The following AP4S1 variants were observed in gnomAD, a reference collection of about 807,000 sequenced individuals.
AP4S1 encodes AP-4 complex subunit sigma-1.
Under a neutral mutation model 19.8 loss-of-function variants are expected in AP4S1, and 23 were observed. That is an observed-to-expected ratio of 1.16 (90% CI 0.84 to 1.65). The LOEUF is 1.65. Among genes scored for constraint, AP4S1 ranks in the 40% most tolerant of loss-of-function variants. The pLI, the probability that AP4S1 is intolerant of heterozygous loss-of-function variation, is 0.00. For synonymous variants in AP4S1, 46 were observed against 54.1 expected, an observed-to-expected ratio of 0.85 and a Z score of 0.66; for missense variants, 166 against 172.8, an observed-to-expected ratio of 0.96 and a Z score of 0.22.
Position 31,084,861 on chromosome 14 carries a change from C to T in AP4S1, c.306+4277C>T, listed in dbSNP as rs781066963. On this transcript the variant is annotated intron_variant, in intron 5 of 5. Transcript: ENST00000542754. ...ACAGTTCATCATTCAAAGGAGCTGCCTCCACCACCCCCATCTACTGAATAG... is the reference window on the plus strand; with the variant it reads ...ACAGTTCATCATTCAAAGGAGCTGCTTCCACCACCCCCATCTACTGAATAG... The T allele has an allele frequency of 8.7e-6, 14 of 1,614,090 alleles. No homozygotes were observed. Among genetic ancestry groups the T allele is most frequent in the Admixed American group, 1.7e-5 (1 of 60,006 alleles).
chr14:31,081,537 A>G (rs1488010269), intron 5 of AP4S1, among the ~76,000 whole-genome samples: 1 of 152,190 alleles, frequency 6.6e-6, no homozygotes, highest in South Asian at 2.1e-4. Context: ...AGTGTTTGGG[A>G]GGCAAGTTAA....
chr14:31,027,959 C>G (rs1377090373), intron 1 of AP4S1, among the ~76,000 whole-genome samples: 1 of 152,050 alleles, frequency 6.6e-6, no homozygotes, highest in Admixed American at 6.6e-5. Context: ...GCCAATAAAA[C>G]TTGTACTATG....
At chr14:31,032,338 G>A (rs762435921) in intron 1 of AP4S1, among the ~76,000 whole-genome samples, 12 of 152,084 alleles carry the variant, frequency 7.9e-5, no homozygotes, top group Non-Finnish European at 1.0e-4. Context: ...GGAACTTTTC[G>A]TATTTCATGT....
chr14:31,059,286 A>G (rs891030159), intron 1 of AP4S1, among the ~76,000 whole-genome samples: 2 of 152,196 alleles, frequency 1.3e-5, no homozygotes, highest in East Asian at 3.8e-4. Flanking sequence ...ATGAATATCA[A>G]TTCAACATGT....
At chr14:31,081,967 G>T (rs1228695390) in intron 5 of AP4S1, among the ~76,000 whole-genome samples, 1 of 152,044 alleles carries the variant, frequency 6.6e-6, no homozygotes, top group Admixed American at 6.6e-5. Context: ...AAAGTGCTGG[G>T]ATTACAGGCG....
chr14:31,027,547 A>C (rs755480057), intron 1 of AP4S1, among the ~76,000 whole-genome samples: 1 of 152,194 alleles, frequency 6.6e-6, no homozygotes, highest in African/African-American at 2.4e-5. Flanking sequence ...CTGTAGTCCC[A>C]GCTCCTGGGG....
intron 1 of AP4S1, among the ~76,000 whole-genome samples, chr14:31,059,764 C>A (rs1039091645): frequency 2.0e-5 from 3 of 151,898 alleles, no homozygotes; most frequent in African/African-American, 7.3e-5. Flanking sequence ...CCCCATGGCA[C>A]AGCTGTTATA....
At chr14:31,064,669 A>G (rs574584229) in intron 1 of AP4S1, among the ~76,000 whole-genome samples, 25 of 152,286 alleles carry the variant, frequency 1.6e-4, no homozygotes, top group African/African-American at 5.5e-4. Flanking sequence ...TAAAGTAAGG[A>G]TAACAGACTT....
At chr14:31,079,637 C>A (rs1887534273) in intron 4 of AP4S1, among the ~76,000 whole-genome samples, 1 of 151,992 alleles carries the variant, frequency 6.6e-6, no homozygotes, top group South Asian at 2.1e-4. Flanking sequence ...CCAGTCTGGG[C>A]AACATGGCAA....
intron 1 of AP4S1, among the ~76,000 whole-genome samples, chr14:31,035,024 C>G (rs1160686721): frequency 6.6e-6 from 1 of 152,050 alleles, no homozygotes; most frequent in Non-Finnish European, 1.5e-5. Flanking sequence ...CTTATTTCAT[C>G]TACTCTACTT....
chr14:31,043,687 G>A (rs1195678898), intron 1 of AP4S1, among the ~76,000 whole-genome samples: 1 of 152,110 alleles, frequency 6.6e-6, no homozygotes, highest in Non-Finnish European at 1.5e-5. Flanking sequence ...AAATTTTGAG[G>A]CAAAGAAACA....
Position 31,084,385 on chromosome 14 carries a change from C to G in AP4S1, c.306+3801C>G, listed in dbSNP as rs1028159414. 2.6e-5 allele frequency among the ~76,000 whole-genome samples: 4 copies of G among 152,330 alleles called. No homozygotes were observed. The South Asian group carries it at 8.3e-4, about 32-fold the overall frequency. On this transcript the variant is annotated intron_variant, in intron 5 of 5. Transcript: ENST00000542754. ...AATACAGTACACCGTTTACATTTCT[C>G]CCTAGTATGGACTTGTTTTACTTCT...
intron 2 of AP4S1, among the ~76,000 whole-genome samples, chr14:31,068,206 A>G (rs1483974320): frequency 1.3e-5 from 2 of 152,228 alleles, no homozygotes; most frequent in African/African-American, 4.8e-5. Context: ...TATTTAAAGA[A>G]TTACTTAATC....
intron 1 of AP4S1, among the ~76,000 whole-genome samples, chr14:31,049,474 T>TCACACACACACACACACACACAC (rs1313078783): frequency 1.7e-5 from 1 of 57,184 alleles, no homozygotes; most frequent in Admixed American, 3.3e-4. Context: ...TATATATATG[T>TCACACACACACACACACACACAC]ACACACACAC....
intron 5 of AP4S1, chr14:31,085,951 G>A: frequency 2.0e-6 from 1 of 496,116 alleles, no homozygotes; most frequent in Non-Finnish European, 2.6e-6. Context: ...CATCAATGCT[G>A]TGTGCACTCT....
intron 3 of AP4S1, among the ~76,000 whole-genome samples, chr14:31,071,836 A>G (rs1001130168): frequency 6.6e-6 from 1 of 151,806 alleles, no homozygotes; most frequent in African/African-American, 2.4e-5. Flanking sequence ...CAGCCTCACA[A>G]TCCCGAGTAC....
At chr14:31,035,340 A>G (rs1275354441) in intron 1 of AP4S1, among the ~76,000 whole-genome samples, 2 of 150,588 alleles carry the variant, frequency 1.3e-5, no homozygotes, top group South Asian at 2.1e-4. Flanking sequence ...GATTACAAGC[A>G]CACGCCGCCA....
intron 5 of AP4S1, among the ~76,000 whole-genome samples, chr14:31,082,952 T>C (rs1887730709): frequency 6.6e-6 from 1 of 151,668 alleles, no homozygotes. Flanking sequence ...TAATAGTTGA[T>C]GTTGCCATGA....
At chr14:31,026,132 G>T (rs1236429559) in intron 1 of AP4S1, 1 of 1,498,212 alleles carries the variant, frequency 6.7e-7, no homozygotes, top group South Asian at 1.3e-5. Flanking sequence ...GCTGCTGCCG[G>T]GGAGGGGCCG....
Sources: allele counts gnomAD v4.1 joint callset (sites outside exome capture counted in the v4.1 genomes callset), GRCh38; gene constraint gnomAD v4.1.1; transcripts MANE v1.5; gene names NCBI Gene and HGNC (gene_info 2026-07-23, HGNC 2026-07-21).